The following MOB1B variants were observed in gnomAD, a reference collection of about 807,000 sequenced individuals.
MOB1B encodes MOB kinase activator 1B.
A neutral mutation model predicts 24.4 loss-of-function variants in MOB1B; 19 were observed. That is an observed-to-expected ratio of 0.78 (90% confidence interval 0.54 to 1.14). The LOEUF is 1.14. MOB1B is among the 50% of genes most tolerant of loss of function. The pLI is 0.00. For missense variants in MOB1B, 243 were observed against 259.6 expected, an observed-to-expected ratio of 0.94 and a Z score of 0.44; for synonymous variants, 76 against 82.1, an observed-to-expected ratio of 0.93 and a Z score of 0.40.
At position 70,940,201 on chromosome 4, in the gene MOB1B, C is replaced by T. The variant is rs72854110; in HGVS notation, c.15-18673C>T. Among the ~76,000 whole-genome samples the T allele has an allele frequency of 7.4e-3, 1,126 of 152,094 alleles. 18 individuals are homozygous for T. The highest frequency in any genetic ancestry group is 0.024 in the African/African-American group (988 of 41,492). ...AGGCACAGGATGGGGCCATGGTGGG[C>T]CAGGGTGGTCTTGAGAAATGCAGCA... is the stretch of plus-strand genomic sequence containing the variant. On this transcript the variant is annotated intron_variant, in intron 1 of 5. Coordinates refer to ENST00000309395, the MANE Select transcript of MOB1B (RefSeq NM_173468.4).
At chr4:70,918,283 T>C (rs988227927) in intron 1 of MOB1B, among the ~76,000 whole-genome samples, 2 of 151,900 alleles carry the variant, frequency 1.3e-5, no homozygotes, top group African/African-American at 4.8e-5. Flanking sequence ...CCACAATGGT[T>C]GAACTAGTTT....
chr4:70,927,538 T>C (rs1736702403), intron 1 of MOB1B, among the ~76,000 whole-genome samples: 1 of 147,906 alleles, frequency 6.8e-6, no homozygotes, highest in African/African-American at 2.6e-5. Context: ...AGAATCTGTC[T>C]CAAAAAAAAA....
At chr4:70,905,192 T>C (rs12332037) in intron 1 of MOB1B, among the ~76,000 whole-genome samples, 2,542 of 152,224 alleles carry the variant, frequency 0.017, 29 homozygotes, top group Middle Eastern at 0.048. Flanking sequence ...GAACAAAGCT[T>C]TGGTTATTTC....
intron 1 of MOB1B, among the ~76,000 whole-genome samples, chr4:70,904,261 GACGTGAGCCC>G (rs1455384331): frequency 6.6e-6 from 1 of 151,844 alleles, no homozygotes; most frequent in African/African-American, 2.4e-5. Context: ...TGGGATTACA[GACGTGAGCCC>G]ACCGTGCCTG....
At chr4:70,928,867 C>T (rs531708205) in intron 1 of MOB1B, among the ~76,000 whole-genome samples, 2 of 152,242 alleles carry the variant, frequency 1.3e-5, no homozygotes, top group East Asian at 1.9e-4. Flanking sequence ...ATATTACTGG[C>T]GTGAGCCCCT....
At chr4:70,961,606 A>T (rs1454363829) in intron 2 of MOB1B, among the ~76,000 whole-genome samples, 1 of 152,244 alleles carries the variant, frequency 6.6e-6, no homozygotes, top group Non-Finnish European at 1.5e-5. Context: ...ATTTTACTAC[A>T]GCTGGACAAA....
chr4:70,930,400 C>G (rs998834441), intron 1 of MOB1B, among the ~76,000 whole-genome samples: 3 of 152,038 alleles, frequency 2.0e-5, no homozygotes, highest in Non-Finnish European at 4.4e-5. Context: ...GAAAGCTATG[C>G]CAGGGTTTTT....
chr4:70,965,626 T>C (rs2148897347), intron 2 of MOB1B, among the ~76,000 whole-genome samples: 1 of 150,498 alleles, frequency 6.6e-6, no homozygotes, highest in East Asian at 2.0e-4. Flanking sequence ...CGGAACCCTG[T>C]CTCCACTAAA....
chr4:70,927,690 T>C (rs1736708821), intron 1 of MOB1B, among the ~76,000 whole-genome samples: 1 of 152,176 alleles, frequency 6.6e-6, no homozygotes, highest in Admixed American at 6.5e-5. Flanking sequence ...CCCCTGCTTG[T>C]TCTTGGCATT....
At chr4:70,949,416 T>G (rs746743602) in intron 1 of MOB1B, among the ~76,000 whole-genome samples, 21 of 152,254 alleles carry the variant, frequency 1.4e-4, no homozygotes, top group Non-Finnish European at 2.5e-4. Context: ...TTATTATTTC[T>G]AGAACACATT....
intron 1 of MOB1B, among the ~76,000 whole-genome samples, chr4:70,936,213 C>T (rs1192236197): frequency 3.3e-5 from 5 of 152,004 alleles, no homozygotes; most frequent in African/African-American, 9.7e-5. Flanking sequence ...AGGCTGTATT[C>T]GAACTCCTGA....
intron 1 of MOB1B, chr4:70,950,926 C>CAG: frequency 3.0e-6 from 2 of 657,178 alleles, no homozygotes; most frequent in Non-Finnish European, 2.8e-6. Flanking sequence ...AGCTGAGACT[C>CAG]AGTAACAGTA....
Position 70,986,299 on chromosome 4 carries a change from C to T in MOB1B, c.*4242C>T, listed in dbSNP as rs1296237593. 6.6e-6 allele frequency: 1 copy of T among 151,802 alleles called. No homozygotes were observed. Among genetic ancestry groups the T allele is most frequent in the African/African-American group, 2.4e-5 (1 of 41,332 alleles). 9.4% of individuals were successfully genotyped at this position (151,802 alleles called of 1,614,324 possible). On this transcript the variant is annotated 3_prime_UTR_variant, in exon 6 of 6. Coordinates refer to ENST00000309395, the MANE Select transcript of MOB1B (RefSeq NM_173468.4). The stretch of plus-strand genomic sequence containing the variant: ...TTTTAAATGTTTTCACTCAGATGAA[C>T]AATTTGACTTTAATAAAAGACTGGA...
intron 1 of MOB1B, among the ~76,000 whole-genome samples, chr4:70,946,330 A>T (rs1433073240): frequency 6.6e-6 from 1 of 152,114 alleles, no homozygotes; most frequent in South Asian, 2.1e-4. Flanking sequence ...CAACATCATT[A>T]TTTGAGATAA....
chr4:70,969,840 C>A, intron 2 of MOB1B, 91 bp from the exon 3 acceptor site: 4 of 585,646 alleles, frequency 6.8e-6, no homozygotes, highest in Non-Finnish European at 1.2e-5. Flanking sequence ...GGGGAACGAA[C>A]GCCAATAAGC....
intron 1 of MOB1B, among the ~76,000 whole-genome samples, chr4:70,907,031 C>G (rs1735776394): frequency 1.3e-5 from 2 of 152,138 alleles, no homozygotes; most frequent in Admixed American, 1.3e-4. Flanking sequence ...CAAGAGCTCT[C>G]TAAGAAGACA....
At chr4:70,967,851 A>C (rs747581598) in intron 2 of MOB1B, among the ~76,000 whole-genome samples, 1 of 151,862 alleles carries the variant, frequency 6.6e-6, no homozygotes, top group Non-Finnish European at 1.5e-5. Flanking sequence ...TTTTTTGAGG[A>C]GGTTTTGCCC....
intron 1 of MOB1B, among the ~76,000 whole-genome samples, chr4:70,951,507 G>C (rs1737802984): frequency 6.6e-6 from 1 of 152,202 alleles, no homozygotes; most frequent in South Asian, 2.1e-4. Context: ...AAACAAATGT[G>C]AATATCGTGG....
chr4:70,939,523 A>C (rs892241876), intron 1 of MOB1B, among the ~76,000 whole-genome samples: 1 of 152,122 alleles, frequency 6.6e-6, no homozygotes, highest in African/African-American at 2.4e-5. Context: ...TCTCTACTAA[A>C]AATACAAAAT....
Sources: allele counts gnomAD v4.1 joint callset (sites outside exome capture counted in the v4.1 genomes callset), GRCh38; gene constraint gnomAD v4.1.1; transcripts MANE v1.5; gene names NCBI Gene and HGNC (gene_info 2026-07-23, HGNC 2026-07-21).